Variants in DSCAM observed in about 807,000 individuals in gnomAD.
DSCAM encodes the protein cell adhesion molecule DSCAM.
In DSCAM, 47 loss-of-function variants were observed where a neutral mutation model predicts 217.7. The observed-to-expected ratio is 0.22, with a 90% CI of 0.17 to 0.28. The LOEUF (loss-of-function observed/expected upper bound fraction) is 0.28, where lower values mean the gene tolerates loss of function less well. DSCAM is among the 10% of genes least tolerant of loss of function. The probability of loss-of-function intolerance (pLI) is 1.00; values close to 1 mark genes in which losing one functional copy is unlikely to be tolerated. For missense variants in DSCAM, 2,080 were observed against 2,618.3 expected, an observed-to-expected ratio of 0.79 and a Z score of 4.49; for synonymous variants, 1,056 against 1,015.3, an observed-to-expected ratio of 1.04 and a Z score of -0.76.
chr21:40,304,978 A>T (rs1384960064), intron 9 of DSCAM, among the ~76,000 whole-genome samples: 2 of 152,230 alleles, frequency 1.3e-5, no homozygotes, highest in Non-Finnish European at 2.9e-5. Flanking sequence ...CCAAAATGTG[A>T]CATACAGACA....
At chr21:40,415,301 T>C (rs2075360352) in intron 3 of DSCAM, among the ~76,000 whole-genome samples, 1 of 152,198 alleles carries the variant, frequency 6.6e-6, no homozygotes, top group African/African-American at 2.4e-5. Flanking sequence ...CAGTGCAACA[T>C]GGCGGAATAT....
intron 10 of DSCAM, among the ~76,000 whole-genome samples, chr21:40,290,024 C>G (rs1370568812): frequency 6.6e-6 from 1 of 152,054 alleles, no homozygotes; most frequent in Non-Finnish European, 1.5e-5. Flanking sequence ...CAAAGAAGAA[C>G]AGACCTTGCT....
intron 11 of DSCAM, among the ~76,000 whole-genome samples, chr21:40,219,773 A>T (rs1076566): frequency 2.0e-5 from 3 of 151,960 alleles, no homozygotes; most frequent in African/African-American, 7.3e-5. Context: ...AAAACCAATA[A>T]CCAACAAGTG....
At chr21:40,194,651 T>A (rs570414598) in intron 11 of DSCAM, among the ~76,000 whole-genome samples, 18 of 152,346 alleles carry the variant, frequency 1.2e-4, no homozygotes, top group African/African-American at 3.8e-4. Context: ...TATAATATTA[T>A]CTAACAGCAT....
At chr21:40,582,753 T>G (rs1259242655) in intron 3 of DSCAM, among the ~76,000 whole-genome samples, 1 of 152,108 alleles carries the variant, frequency 6.6e-6, no homozygotes, top group Non-Finnish European at 1.5e-5. Context: ...TGAGATGATA[T>G]TTTGAACATT....
chr21:40,509,301 C>T (rs1286313049), intron 3 of DSCAM, among the ~76,000 whole-genome samples: 1 of 152,166 alleles, frequency 6.6e-6, no homozygotes, highest in Non-Finnish European at 1.5e-5. Flanking sequence ...GCAGTGAATC[C>T]TAATGCCCAA....
intron 32 of DSCAM, among the ~76,000 whole-genome samples, chr21:40,021,406 GC>G: frequency 6.6e-6 from 1 of 152,000 alleles, no homozygotes; most frequent in African/African-American, 2.4e-5. Context: ...ACTTTGAACG[GC>G]CCTTGTGGAG....
At chr21:40,596,502 C>T (rs1410382098) in intron 3 of DSCAM, among the ~76,000 whole-genome samples, 1 of 152,196 alleles carries the variant, frequency 6.6e-6, no homozygotes, top group Non-Finnish European at 1.5e-5. Flanking sequence ...ATCTTATCTA[C>T]TCAGAGTTCC....
chr21:40,455,117 C>T (rs575662953), intron 3 of DSCAM, among the ~76,000 whole-genome samples: 3 of 152,152 alleles, frequency 2.0e-5, no homozygotes, highest in East Asian at 1.9e-4. Context: ...CACCAAAAAG[C>T]GAGACATAGA....
At chr21:40,466,487 G>A (rs777053777) in intron 3 of DSCAM, among the ~76,000 whole-genome samples, 6 of 152,174 alleles carry the variant, frequency 3.9e-5, no homozygotes, top group African/African-American at 4.8e-5. Flanking sequence ...CTCCCTGCTT[G>A]AGTACTCACA....
At chr21:40,666,273 C>A (rs1422370042) in intron 3 of DSCAM, among the ~76,000 whole-genome samples, 1 of 152,106 alleles carries the variant, frequency 6.6e-6, no homozygotes, top group Non-Finnish European at 1.5e-5. Flanking sequence ...CATGCCCAGC[C>A]CTGAGATGAG....
At chr21:40,074,607 T>C (rs930577839) in intron 27 of DSCAM, among the ~76,000 whole-genome samples, 2 of 152,248 alleles carry the variant, frequency 1.3e-5, no homozygotes. Flanking sequence ...ATGTGTCCTC[T>C]GCCTCACAAT....
intron 11 of DSCAM, among the ~76,000 whole-genome samples, chr21:40,231,028 A>C: frequency 6.8e-6 from 1 of 147,830 alleles, no homozygotes; most frequent in Non-Finnish European, 1.5e-5. Context: ...TTTTTTTCAC[A>C]ACTTAGATCA....
intron 3 of DSCAM, among the ~76,000 whole-genome samples, chr21:40,567,226 T>C (rs73902684): frequency 0.022 from 3,408 of 152,326 alleles, 109 homozygotes; most frequent in African/African-American, 0.079. Flanking sequence ...CTGAACTTAC[T>C]GTGCCTAGCA....
intron 2 of DSCAM, among the ~76,000 whole-genome samples, chr21:40,697,161 T>A (rs1009923623): frequency 6.6e-6 from 1 of 152,154 alleles, no homozygotes; most frequent in Non-Finnish European, 1.5e-5. Flanking sequence ...AAACATGTAA[T>A]GTGTGTCTGT....
At chr21:40,487,440 A>C (rs553740456) in intron 3 of DSCAM, among the ~76,000 whole-genome samples, 1 of 152,114 alleles carries the variant, frequency 6.6e-6, no homozygotes, top group East Asian at 2.0e-4. Flanking sequence ...ATTGTCTCTC[A>C]GGCAGGCTTG....
chr21:40,271,482 C>G (rs906554005), intron 11 of DSCAM, among the ~76,000 whole-genome samples: 5 of 152,036 alleles, frequency 3.3e-5, no homozygotes, highest in African/African-American at 1.2e-4. Flanking sequence ...AAGTTGGGAG[C>G]GGGGAGGATG....
chr21:40,375,031 T>C (rs754886138), intron 3 of DSCAM, among the ~76,000 whole-genome samples: 2 of 152,210 alleles, frequency 1.3e-5, no homozygotes, highest in Non-Finnish European at 2.9e-5. Context: ...ATCATTATCA[T>C]GTTACTTGAA....
Position 40,013,297 on chromosome 21 carries a change from G to T in DSCAM, c.5776C>A (p.Gln1926Lys), listed in dbSNP as rs765875816. ...CTTTTCTGAGGTTCCAAGCATGCTT[G>T]TCCTAAGCTCAGGTCCCTGCTGGTG... ...PGTSRDLSLG[Q>K]ACLEPQKSRT... Residue 1926 changes from glutamine (Q) to lysine (K), a missense_variant, in exon 33 of 33, where the codon CAA (glutamine) becomes AAA (lysine). Physicochemically the swap from Gln to Lys is moderately conservative, Grantham distance 53 (BLOSUM62 1). Coordinates refer to ENST00000400454, the MANE Select transcript of DSCAM (RefSeq NM_001389.5). 6.2e-7 allele frequency: 1 copy of T among 1,613,002 alleles called. No individual in the cohort carries two copies. Among genetic ancestry groups the T allele is most frequent in the East Asian group, 2.2e-5 (1 of 44,838 alleles).
Sources: allele counts gnomAD v4.1 joint callset (sites outside exome capture counted in the v4.1 genomes callset), GRCh38; gene constraint gnomAD v4.1.1; transcripts MANE v1.5; gene names NCBI Gene and HGNC (gene_info 2026-07-23, HGNC 2026-07-21).